Variants in VSNL1 observed in about 807,000 individuals in gnomAD.
The protein encoded by VSNL1 is visinin like 1.
Under a neutral mutation model 20.4 loss-of-function variants are expected in VSNL1, and 6 were observed. The ratio of observed to expected loss-of-function variants is 0.29; its 90% confidence interval spans 0.16 to 0.58. The LOEUF (loss-of-function observed/expected upper bound fraction) is 0.58, where lower values mean the gene tolerates loss of function less well. Among genes scored for constraint, VSNL1 ranks in the 20% least tolerant of loss-of-function variants. The pLI, the probability that VSNL1 is intolerant of heterozygous loss-of-function variation, is 0.90. For synonymous variants in VSNL1, 93 were observed against 86.4 expected, an observed-to-expected ratio of 1.08 and a Z score of -0.42; for missense variants, 100 against 234.5, an observed-to-expected ratio of 0.43 and a Z score of 3.75.
At chr2:17,541,789 C>G (rs1177880435) in intron 1 of VSNL1, 1 of 152,160 alleles carries the variant, frequency 6.6e-6, no homozygotes, top group Non-Finnish European at 1.5e-5. Flanking sequence ...TTTGCAAGGT[C>G]AAACCCCGGG....
intron 1 of VSNL1, among the ~76,000 whole-genome samples, chr2:17,590,366 G>A (rs1324965363): frequency 6.6e-6 from 1 of 152,138 alleles, no homozygotes; most frequent in African/African-American, 2.4e-5. Context: ...TGACACCTGA[G>A]TACCCACTTG....
At chr2:17,560,841 C>G (rs2103347680) in intron 1 of VSNL1, among the ~76,000 whole-genome samples, 1 of 152,284 alleles carries the variant, frequency 6.6e-6, no homozygotes, top group Middle Eastern at 3.4e-3. Context: ...TCTGTATCCT[C>G]TGTACCATAA....
In VSNL1 at chr2:17,656,440, C is replaced by A. The variant is rs961661370; in HGVS notation, c.*1046C>A. On this transcript the variant is annotated 3_prime_UTR_variant, in exon 4 of 4. Coordinates refer to ENST00000295156, the MANE Select transcript of VSNL1 (RefSeq NM_003385.5). Reference sequence around the variant, plus strand: ...GACAATAAATTTTATCTCAGTGTGACTTTGGTGCTAACAACGTATGTTCAG... The same window carrying A: ...GACAATAAATTTTATCTCAGTGTGAATTTGGTGCTAACAACGTATGTTCAG... 6.6e-6 allele frequency: 1 copy of A among 152,174 alleles called. No homozygotes were observed. Among genetic ancestry groups the A allele is most frequent in the Non-Finnish European group, 1.5e-5 (1 of 68,034 alleles). 9.4% of individuals were successfully genotyped at this position (152,174 alleles called of 1,614,324 possible).
At position 17,634,937 on chromosome 2, in the gene VSNL1, C is replaced by T. The variant is rs1003673507; in HGVS notation, c.163-14473C>T. On this transcript the variant is annotated intron_variant, in intron 2 of 3. Transcript: ENST00000295156. This position sits in a 1 kb window ranked among gnomAD's most constrained non-coding sequence, Gnocchi z 4.3. ...CTCTAACTGGCAGCTCGACCCCTAG[C>T]TCGTTTGAACACACATACACACGTA... Among the ~76,000 whole-genome samples, 10 of 152,152 alleles carry T rather than the reference C, an allele frequency of 6.6e-5. No individual in the cohort carries two copies. The highest frequency in any genetic ancestry group is 1.2e-4 in the Non-Finnish European group (8 of 68,032).
At position 17,640,266 on chromosome 2, in the gene VSNL1, A is replaced by AG. The variant is rs1284075906; in HGVS notation, c.163-9144_163-9143insG. On this transcript the variant is annotated intron_variant, in intron 2 of 3. Transcript: ENST00000295156. ...AGACTCTGTTTCAAAAAAAAAAAAAAAAAGAAAGAAAAGAAAAGAAACTAA... is the reference window on the plus strand; with the variant it reads ...AGACTCTGTTTCAAAAAAAAAAAAAAGAAAGAAAGAAAAGAAAAGAAACTAA... Among the ~76,000 whole-genome samples, 125 of 151,534 alleles carry AG rather than the reference A, an allele frequency of 8.2e-4. 1 individual carries two copies. The highest frequency in any genetic ancestry group is 3.4e-3 in the Middle Eastern group (1 of 294).
intron 2 of VSNL1, among the ~76,000 whole-genome samples, chr2:17,616,746 A>G (rs1289083585): frequency 1.3e-5 from 2 of 152,122 alleles, no homozygotes; most frequent in African/African-American, 4.8e-5. Flanking sequence ...TGCCATCTGG[A>G]CCCCAGAGTC....
chr2:17,650,348 C>T (rs1294163603), intron 3 of VSNL1, among the ~76,000 whole-genome samples: 1 of 152,204 alleles, frequency 6.6e-6, no homozygotes, highest in Non-Finnish European at 1.5e-5. Flanking sequence ...TTTGTCCCAA[C>T]ATCTGTCCCT....
chr2:17,654,007 ATATTTT>A (rs1194019618), intron 3 of VSNL1, among the ~76,000 whole-genome samples: 1 of 152,150 alleles, frequency 6.6e-6, no homozygotes, highest in African/African-American at 2.4e-5. Flanking sequence ...TGGCTTCTTT[ATATTTT>A]TGAGATTTAT....
chr2:17,597,986 A>C (rs1217337233), intron 2 of VSNL1, among the ~76,000 whole-genome samples: 1 of 152,236 alleles, frequency 6.6e-6, no homozygotes, highest in Non-Finnish European at 1.5e-5. Context: ...AATTTTGTTG[A>C]TACAACTACC....
chr2:17,543,327 A>G lies in VSNL1; in HGVS notation c.-6+2409A>G, dbSNP rs539165002. Among the ~76,000 whole-genome samples, 5 of 152,286 alleles carry G rather than the reference A, an allele frequency of 3.3e-5. No homozygotes were observed. In the East Asian group the frequency reaches 7.7e-4, roughly 24 times the overall value. On this transcript the variant is annotated intron_variant, in intron 1 of 3. Coordinates refer to ENST00000295156, the MANE Select transcript of VSNL1 (RefSeq NM_003385.5). ...TGAGAACTGCCCAGGGCCCATTTCC[A>G]TCTTTCCCTGCTGTGTTCCCCAAAA...
intron 1 of VSNL1, among the ~76,000 whole-genome samples, chr2:17,554,667 TATA>T (rs1663630839): frequency 6.6e-6 from 1 of 152,146 alleles, no homozygotes. Flanking sequence ...CACTACTCTA[TATA>T]ACAGCTCTTA....
chr2:17,590,736 G>A (rs991970180), intron 1 of VSNL1, among the ~76,000 whole-genome samples: 4 of 152,176 alleles, frequency 2.6e-5, no homozygotes, highest in Admixed American at 6.5e-5. Flanking sequence ...TGACAATAAA[G>A]TATGTGATGA....
At chr2:17,612,783 C>T (rs1665120629) in intron 2 of VSNL1, among the ~76,000 whole-genome samples, 1 of 152,196 alleles carries the variant, frequency 6.6e-6, no homozygotes, top group East Asian at 1.9e-4. Context: ...CTCTGAGTAA[C>T]AGCAATTCCT....
chr2:17,548,778 T>C (rs1219778475), intron 1 of VSNL1, among the ~76,000 whole-genome samples: 3 of 152,206 alleles, frequency 2.0e-5, no homozygotes, highest in African/African-American at 7.2e-5. Context: ...ATAGGTAACA[T>C]AACACATATC....
At chr2:17,624,354 A>C (rs1391749198) in intron 2 of VSNL1, among the ~76,000 whole-genome samples, 1 of 152,208 alleles carries the variant, frequency 6.6e-6, no homozygotes, top group African/African-American at 2.4e-5. Context: ...AAAAGGAACA[A>C]ATGTAATAGG....
At chr2:17,642,010 A>G (rs1558309817) in intron 2 of VSNL1, among the ~76,000 whole-genome samples, 1 of 152,234 alleles carries the variant, frequency 6.6e-6, no homozygotes, top group East Asian at 1.9e-4. Flanking sequence ...ATAAAATATT[A>G]TAGCTAAATG....
At chr2:17,635,576 G>T (rs1665731631) in intron 2 of VSNL1, among the ~76,000 whole-genome samples, 1 of 152,156 alleles carries the variant, frequency 6.6e-6, no homozygotes, top group South Asian at 2.1e-4. Context: ...GATTTTCTAG[G>T]TTCACAATTT....
chr2:17,554,469 C>T (rs979229265), intron 1 of VSNL1, among the ~76,000 whole-genome samples: 1 of 152,086 alleles, frequency 6.6e-6, no homozygotes, highest in Non-Finnish European at 1.5e-5. Context: ...TTGTCATTGT[C>T]TAGGATTAGA....
chr2:17,592,068 A>G lies in VSNL1; in HGVS notation c.-5-2A>G. 1 of 1,613,576 alleles carries G rather than the reference A, an allele frequency of 6.2e-7. No homozygotes were observed. The highest frequency in any genetic ancestry group is 1.7e-4 in the Middle Eastern group (1 of 6,048). ...TAATTGAATTAATTTGCTTTTCTTC[A>G]GGCAGGATGGGGAAGCAGAATAGCA... On this transcript the variant is annotated splice_acceptor_variant, in intron 1 of 3. Transcript: ENST00000295156. LOFTEE classifies it low-confidence loss of function (5UTR_SPLICE).
Sources: gnomAD v4.1 joint callset for allele counts (sites outside exome capture counted in the v4.1 genomes callset) on GRCh38, gnomAD v4.1.1 for gene constraint, Gnocchi (gnomAD v3.1) non-coding constraint, MANE v1.5 for transcripts, NCBI Gene and HGNC (gene_info 2026-07-23, HGNC 2026-07-21) for gene names.